SCFD2: variants seen among roughly 807,000 people sequenced by gnomAD.
SCFD2 encodes the protein sec1 family domain-containing protein 2.
Under a neutral mutation model 58.9 loss-of-function variants are expected in SCFD2, and 54 were observed. That is an observed-to-expected ratio of 0.92 (90% confidence interval 0.74 to 1.15). SCFD2 has a LOEUF of 1.15. Among genes scored for constraint, SCFD2 ranks in the 50% most tolerant of loss-of-function variants. The pLI is 0.00. For synonymous variants in SCFD2, 321 were observed against 335.9 expected (o/e 0.96, Z 0.49); for missense variants, 805 against 836.6 (o/e 0.96, Z 0.47).
intron 5 of SCFD2, among the ~76,000 whole-genome samples, chr4:53,009,462 G>A (rs546510985): frequency 6.6e-6 from 1 of 152,280 alleles, no homozygotes; most frequent in East Asian, 1.9e-4. Context: ...GGTATGCAGA[G>A]ATTTTCAAAC....
intron 5 of SCFD2, among the ~76,000 whole-genome samples, chr4:52,927,245 C>T (rs894591079): frequency 6.6e-6 from 1 of 151,962 alleles, no homozygotes; most frequent in South Asian, 2.1e-4. Flanking sequence ...TATATGTAAT[C>T]TTTAAATTAA....
At position 53,126,095 on chromosome 4, in the gene SCFD2, G is replaced by A. The variant is rs147879079; in HGVS notation, c.1561+19238C>T. Among the ~76,000 whole-genome samples, 226 of 152,216 alleles carry A rather than the reference G, an allele frequency of 1.5e-3. 1 individual carries two copies. The highest frequency in any genetic ancestry group is 5.1e-3 in the African/African-American group (210 of 41,528). Reference sequence around the variant, plus strand: ...TGAGCTAAAACTAATATGAAGTTTCGCTAAAACTAAGGGATATCTGTGGCA... The same window carrying A: ...TGAGCTAAAACTAATATGAAGTTTCACTAAAACTAAGGGATATCTGTGGCA... On this transcript the variant is annotated intron_variant, in intron 5 of 8. Transcript: ENST00000401642.
chr4:53,340,864 C>T (rs1023558443), intron 2 of SCFD2, among the ~76,000 whole-genome samples: 2 of 152,182 alleles, frequency 1.3e-5, no homozygotes, highest in Non-Finnish European at 2.9e-5. Context: ...TGGAGTGGAC[C>T]TCCAGCAAAC....
intron 2 of SCFD2, among the ~76,000 whole-genome samples, chr4:53,329,073 T>G (rs12649948): frequency 0.6 from 91,158 of 152,016 alleles, 27,487 homozygotes; most frequent in Middle Eastern, 0.66. Context: ...ATTATATCCC[T>G]CACCTGGCTC....
intron 4 of SCFD2, among the ~76,000 whole-genome samples, chr4:53,237,149 G>GT (rs1486028433): frequency 6.7e-6 from 1 of 149,586 alleles, no homozygotes; most frequent in Non-Finnish European, 1.5e-5. Flanking sequence ...AGAGCACAGG[G>GT]TTGGGGGTAA....
chr4:53,332,775 C>T (rs1030544528), intron 2 of SCFD2, among the ~76,000 whole-genome samples: 2 of 151,486 alleles, frequency 1.3e-5, no homozygotes, highest in Non-Finnish European at 2.9e-5. Flanking sequence ...AGGAAATAAA[C>T]GGTATTCAAT....
intron 3 of SCFD2, among the ~76,000 whole-genome samples, chr4:53,310,351 T>C (rs1457282381): frequency 1.3e-5 from 2 of 152,260 alleles, no homozygotes; most frequent in African/African-American, 4.8e-5. Flanking sequence ...CACTGGGGAA[T>C]ATGTCCACTT....
intron 5 of SCFD2, among the ~76,000 whole-genome samples, chr4:53,093,581 C>T (rs1468694140): frequency 6.6e-6 from 1 of 152,106 alleles, no homozygotes; most frequent in Non-Finnish European, 1.5e-5. Flanking sequence ...TCAATGGCCA[C>T]TGTGAGATAA....
chr4:52,979,339 T>G (rs987362731), intron 5 of SCFD2, among the ~76,000 whole-genome samples: 4 of 152,132 alleles, frequency 2.6e-5, no homozygotes, highest in Non-Finnish European at 5.9e-5. Flanking sequence ...AAGATCCATA[T>G]ACAAATATTT....
chr4:53,069,887 T>C (rs1723769340), intron 5 of SCFD2, among the ~76,000 whole-genome samples: 1 of 152,082 alleles, frequency 6.6e-6, no homozygotes, highest in Non-Finnish European at 1.5e-5. Context: ...CCTTCCACTT[T>C]AATAATATAC....
intron 4 of SCFD2, among the ~76,000 whole-genome samples, chr4:53,192,544 T>TA (rs1727945698): frequency 6.6e-6 from 1 of 152,114 alleles, no homozygotes. Flanking sequence ...AATGTTTATT[T>TA]AAAAAATCAG....
intron 5 of SCFD2, among the ~76,000 whole-genome samples, chr4:53,133,476 C>G (rs1396839010): frequency 6.6e-6 from 1 of 151,648 alleles, no homozygotes; most frequent in Non-Finnish European, 1.5e-5. Flanking sequence ...ACATAATAAA[C>G]AAAACGTCCA....
chr4:53,340,471 A>C lies in SCFD2; in HGVS notation c.1007+12127T>G, dbSNP rs527430537. Reference sequence around the variant, plus strand: ...TAAACACAGCAGCCTGGAAGCTAGAACTGGGTGGAGCCCACCACAAATCAA... The same window carrying C: ...TAAACACAGCAGCCTGGAAGCTAGACCTGGGTGGAGCCCACCACAAATCAA... On this transcript the variant is annotated intron_variant, in intron 2 of 8. Coordinates refer to ENST00000401642, the MANE Select transcript of SCFD2 (RefSeq NM_152540.4). 4.6e-5 allele frequency among the ~76,000 whole-genome samples: 7 copies of C among 152,332 alleles called. 1 individual carries two copies. The highest frequency in any genetic ancestry group is 1.7e-4 in the African/African-American group (7 of 41,564).
chr4:52,958,906 G>C (rs190822902), intron 5 of SCFD2, among the ~76,000 whole-genome samples: 45 of 152,210 alleles, frequency 3.0e-4, no homozygotes, highest in African/African-American at 1.0e-3. Flanking sequence ...ATATTAACCT[G>C]AACTCATTAT....
intron 2 of SCFD2, among the ~76,000 whole-genome samples, chr4:53,347,749 C>A (rs1385388548): frequency 1.3e-5 from 2 of 152,162 alleles, no homozygotes. Flanking sequence ...GAGACACAGT[C>A]AGAGGGGACC....
chr4:52,940,424 T>A (rs1315141261), intron 5 of SCFD2, among the ~76,000 whole-genome samples: 2 of 152,186 alleles, frequency 1.3e-5, no homozygotes, highest in Non-Finnish European at 2.9e-5. Flanking sequence ...TAGGTCACAA[T>A]GTAGGACCAT....
At chr4:53,108,827 A>G (rs1032804886) in intron 5 of SCFD2, among the ~76,000 whole-genome samples, 2 of 152,222 alleles carry the variant, frequency 1.3e-5, no homozygotes, top group African/African-American at 4.8e-5. Context: ...AAACTATTCC[A>G]AACAATGGAA....
intron 3 of SCFD2, among the ~76,000 whole-genome samples, chr4:53,275,711 C>T (rs2128104): frequency 0.97 from 148,224 of 152,258 alleles, 72,287 homozygotes; most frequent in Middle Eastern, 1. Context: ...AACCCTTATC[C>T]GTGTTTATCT....
At position 53,004,654 on chromosome 4, in the gene SCFD2, G is replaced by T. The variant is rs982382875; in HGVS notation, c.1562-83784C>A. Among the ~76,000 whole-genome samples, 23 of 152,096 alleles carry T rather than the reference G, an allele frequency of 1.5e-4. 1 individual carries two copies. Among genetic ancestry groups the T allele is most frequent in the African/African-American group, 5.1e-4 (21 of 41,440 alleles). On this transcript the variant is annotated intron_variant, in intron 5 of 8. Transcript: ENST00000401642. ...ATTGATTATGTGCCAAGTGTGGCTG[G>T]GGACAGATGGGCCAATGGAGGTTAG...
Sources: allele counts gnomAD v4.1 joint callset (sites outside exome capture counted in the v4.1 genomes callset), GRCh38; gene constraint gnomAD v4.1.1; transcripts MANE v1.5; gene names NCBI Gene and HGNC (gene_info 2026-07-23, HGNC 2026-07-21).